Variants in ACACB observed in about 807,000 individuals in gnomAD.
ACACB encodes acetyl-CoA carboxylase beta.
A neutral mutation model predicts 278.8 loss-of-function variants in ACACB; 209 were observed. The ratio of observed to expected loss-of-function variants is 0.75; its 90% confidence interval spans 0.67 to 0.84. The LOEUF (loss-of-function observed/expected upper bound fraction) is 0.84, where lower values mean the gene tolerates loss of function less well. Among genes scored for constraint, ACACB ranks in the 40% least tolerant of loss-of-function variants. The pLI, the probability that ACACB is intolerant of heterozygous loss-of-function variation, is 0.00. For missense variants in ACACB, 2,850 were observed against 3,269.0 expected (o/e 0.87, Z 3.13); for synonymous variants, 1,174 against 1,285.6 (o/e 0.91, Z 1.86).
chr12:109,117,425 C>T (rs1042731843), intron 1 of ACACB, among the ~76,000 whole-genome samples: 1 of 151,690 alleles, frequency 6.6e-6, no homozygotes, highest in Non-Finnish European at 1.5e-5. Context: ...TGTAGTGGTC[C>T]TATATCCTAT....
In ACACB at chr12:109,179,274, G is replaced by T. The variant is rs769720984; in HGVS notation, c.1624G>T (p.Ala542Ser). The T allele has an allele frequency of 3.4e-5, 55 of 1,613,504 alleles. No individual in the cohort carries two copies. The highest frequency in any genetic ancestry group is 4.4e-5 in the Non-Finnish European group (52 of 1,179,976). The part of the protein sequence containing the change: ...EEAPATIAPL[A>S]IFEFMEQCAI... ...AGCACCGGCCACCATCGCCCCGCTG[G>T]CCATATTCGAGTTCATGGAGCAGGT... The change falls in exon 10 of 53, where the codon GCC (alanine) becomes TCC (serine). Residue 542 changes from alanine (A) to serine (S), a missense_variant. Coordinates refer to ENST00000338432, the MANE Select transcript of ACACB (RefSeq NM_001093.4).
intron 2 of ACACB, among the ~76,000 whole-genome samples, chr12:109,166,649 C>CAAAAA (rs869303420): frequency 0.012 from 307 of 25,086 alleles, 105 homozygotes; most frequent in Non-Finnish European, 0.016. Context: ...GATCCCGTCT[C>CAAAAA]AAAAAAAAAA....
At position 109,259,082 on chromosome 12, in the gene ACACB, G is replaced by A. The variant is rs1251379555; in HGVS notation, c.6470G>A (p.Trp2157Ter). The A allele has an allele frequency of 5.0e-6, 8 of 1,614,080 alleles. No homozygotes were observed. Among genetic ancestry groups the A allele is most frequent in the Non-Finnish European group, 6.8e-6 (8 of 1,180,008 alleles). ...TTGCCCCTGATGATCTTTGCCAACT[G>A]GAGGGGGTTCTCCGGTGGCATGAAA... ...EKLPLMIFAN[W>*]RGFSGGMKDM... The change falls in exon 47 of 53, where the codon TGG (tryptophan) becomes TAG (stop). Residue 2157 changes from tryptophan (W) to a stop codon, truncating the protein, a stop_gained. Coordinates refer to ENST00000338432, the MANE Select transcript of ACACB (RefSeq NM_001093.4). LOFTEE classifies it high-confidence loss of function.
chr12:109,149,483 C>T (rs959750525), intron 2 of ACACB, among the ~76,000 whole-genome samples: 3 of 152,098 alleles, frequency 2.0e-5, no homozygotes, highest in Non-Finnish European at 2.9e-5. Flanking sequence ...TACAGGCAGG[C>T]TGAAGCGGGA....
In ACACB at chr12:109,166,995, T is replaced by A; in HGVS notation, c.786+2T>A. ...GGGGGGGATCGGGTCATCGAGAAGG[T>A]ACAGATGGGTCTCGGCACTCTGGGT... On this transcript the variant is annotated splice_donor_variant, in intron 3 of 52. Transcript: ENST00000338432. LOFTEE classifies it high-confidence loss of function. The A allele has an allele frequency of 6.2e-7, 1 of 1,613,580 alleles. No individual in the cohort carries two copies. The highest frequency in any genetic ancestry group is 8.5e-7 in the Non-Finnish European group (1 of 1,179,920).
intron 1 of ACACB, chr12:109,131,277 G>C (rs2042819157): frequency 6.6e-6 from 1 of 152,608 alleles, no homozygotes. Flanking sequence ...CGGAGTGCTG[G>C]CCGGTCCAAG....
intron 41 of ACACB, among the ~76,000 whole-genome samples, chr12:109,250,420 C>A (rs1198846574): frequency 6.6e-6 from 1 of 152,196 alleles, no homozygotes; most frequent in Admixed American, 6.5e-5. Context: ...TTACACCCAA[C>A]AGAATCAGCA....
intron 28 of ACACB, among the ~76,000 whole-genome samples, chr12:109,231,841 G>T (rs1318164710): frequency 2.0e-5 from 3 of 152,192 alleles, no homozygotes; most frequent in African/African-American, 7.2e-5. Context: ...CCAGGGATTG[G>T]TGGCTGGTCA....
At chr12:109,220,761 G>T (rs1158690528) in intron 24 of ACACB, among the ~76,000 whole-genome samples, 3 of 152,170 alleles carry the variant, frequency 2.0e-5, no homozygotes, top group African/African-American at 7.2e-5. Flanking sequence ...TGCCATGTTG[G>T]CCAGGCTGGT....
intron 12 of ACACB, among the ~76,000 whole-genome samples, chr12:109,186,117 G>C (rs977327900): frequency 6.6e-6 from 1 of 151,892 alleles, no homozygotes; most frequent in Non-Finnish European, 1.5e-5. Context: ...TTTTAGTAGA[G>C]ACGGGGTTTC....
At chr12:109,141,417 C>T (rs1337239073) in intron 2 of ACACB, among the ~76,000 whole-genome samples, 2 of 152,150 alleles carry the variant, frequency 1.3e-5, no homozygotes, top group East Asian at 1.9e-4. Context: ...CTCTGCCATC[C>T]CCAAATTACA....
intron 4 of ACACB, among the ~76,000 whole-genome samples, chr12:109,169,870 G>A (rs1361982337): frequency 2.0e-5 from 3 of 152,200 alleles, no homozygotes; most frequent in Non-Finnish European, 2.9e-5. Context: ...CCCGTTGGCC[G>A]ACACTTCTGT....
chr12:109,139,341 G>A (rs1361726207), intron 1 of ACACB, 56 bp from the exon 2 acceptor site: 1 of 1,518,142 alleles, frequency 6.6e-7, no homozygotes, highest in Non-Finnish European at 8.9e-7. Flanking sequence ...GCTTCTTTAG[G>A]AGAGAAATCA....
At chr12:109,166,649 C>CAAAAAAA (rs869303420) in intron 2 of ACACB, among the ~76,000 whole-genome samples, 4,144 of 25,078 alleles carry the variant, frequency 0.17, 1,385 homozygotes, top group Non-Finnish European at 0.2. Context: ...GATCCCGTCT[C>CAAAAAAA]AAAAAAAAAA....
chr12:109,185,506 C>T (rs2044622003), intron 11 of ACACB, 73 bp from the exon 12 acceptor site: 1 of 1,540,196 alleles, frequency 6.5e-7, no homozygotes, highest in East Asian at 2.2e-5. Context: ...GTTGCATCTA[C>T]CACTGTGCCT....
intron 19 of ACACB, among the ~76,000 whole-genome samples, chr12:109,204,271 CTTTT>C (rs58720572): frequency 1.1e-5 from 1 of 93,142 alleles, no homozygotes. Flanking sequence ...AATACTATAT[CTTTT>C]TTTTTTTTTT....
At chr12:109,164,095 G>A (rs370405329) in intron 2 of ACACB, among the ~76,000 whole-genome samples, 6 of 152,296 alleles carry the variant, frequency 3.9e-5, no homozygotes, top group Middle Eastern at 3.4e-3. Flanking sequence ...ACAGAGGGAC[G>A]CTCCTATAAG....
chr12:109,261,988 C>T, intron 48 of ACACB, among the ~76,000 whole-genome samples: 1 of 151,718 alleles, frequency 6.6e-6, no homozygotes, highest in East Asian at 1.9e-4. Flanking sequence ...TTAAAGCGAT[C>T]AGAAACAGTG....
At chr12:109,125,906 A>G (rs904888765) in intron 1 of ACACB, among the ~76,000 whole-genome samples, 1 of 152,188 alleles carries the variant, frequency 6.6e-6, no homozygotes, top group Non-Finnish European at 1.5e-5. Flanking sequence ...AACCTGATCC[A>G]TCACGAGTTC....
Sources: gnomAD v4.1 joint callset for allele counts (sites outside exome capture counted in the v4.1 genomes callset) on GRCh38, gnomAD v4.1.1 for gene constraint, MANE v1.5 for transcripts, NCBI Gene and HGNC (gene_info 2026-07-23, HGNC 2026-07-21) for gene names.